The following SMIM36 variants were observed in gnomAD, a reference collection of about 807,000 sequenced individuals.
SMIM36 encodes the protein small integral membrane protein 36.
At chr17:55,520,311 C>A in the SMIM36 span, among the ~76,000 whole-genome samples, 1 of 152,130 alleles carries the variant, frequency 6.6e-6, no homozygotes, top group Non-Finnish European at 1.5e-5. Flanking sequence ...TCTCTTTTAT[C>A]CTTCACAATT....
At chr17:55,485,876 G>T (rs927696353) in intron 1 of SMIM36, among the ~76,000 whole-genome samples, 3 of 152,042 alleles carry the variant, frequency 2.0e-5, no homozygotes, top group Non-Finnish European at 4.4e-5. Flanking sequence ...GTTTGAACTA[G>T]GCAGTATATC....
At chr17:55,482,100 T>C (rs1359206218) in intron 1 of SMIM36, among the ~76,000 whole-genome samples, 1 of 152,176 alleles carries the variant, frequency 6.6e-6, no homozygotes, top group Non-Finnish European at 1.5e-5. Flanking sequence ...TACCCATCAA[T>C]TGAAGTTGGT....
At chr17:55,492,360 A>T (rs1909728432) in intron 1 of SMIM36, among the ~76,000 whole-genome samples, 1 of 147,824 alleles carries the variant, frequency 6.8e-6, no homozygotes, top group African/African-American at 2.5e-5. Flanking sequence ...CCCCTGCCTC[A>T]GCCTCCTGAG....
chr17:55,489,879 C>T (rs934753824), intron 1 of SMIM36, among the ~76,000 whole-genome samples: 1 of 150,418 alleles, frequency 6.6e-6, no homozygotes, highest in Non-Finnish European at 1.5e-5. Flanking sequence ...TACAGAATCT[C>T]GCTCTGTCGC....
chr17:55,514,182 T>G (rs905395670), upstream of SMIM36, among the ~76,000 whole-genome samples: 1 of 152,110 alleles, frequency 6.6e-6, no homozygotes, highest in African/African-American at 2.4e-5. Flanking sequence ...TTTAAGGAAC[T>G]TTCCTCTGGT....
intron 4 of SMIM36, among the ~76,000 whole-genome samples, chr17:55,458,725 G>T (rs1001838322): frequency 2.5e-4 from 38 of 152,082 alleles, no homozygotes; most frequent in African/African-American, 9.2e-4. Flanking sequence ...AGGCAGTGGA[G>T]TCTGGCCAGG....
chr17:55,521,179 G>A, the SMIM36 span, among the ~76,000 whole-genome samples: 1 of 152,110 alleles, frequency 6.6e-6, no homozygotes, highest in East Asian at 1.9e-4. Flanking sequence ...TGAAAGAAAA[G>A]CAAGGAAGGA....
chr17:55,459,186 A>G (rs927805693), intron 4 of SMIM36, among the ~76,000 whole-genome samples: 17 of 152,268 alleles, frequency 1.1e-4, no homozygotes, highest in Admixed American at 7.2e-4. Context: ...CCCCCATCAC[A>G]CGCCCTGAGA....
upstream of SMIM36, among the ~76,000 whole-genome samples, chr17:55,515,413 C>G (rs1355952999): frequency 6.6e-6 from 1 of 152,138 alleles, no homozygotes; most frequent in Non-Finnish European, 1.5e-5. Context: ...TCCATCTATA[C>G]TGGGTTGAAT....
At chr17:55,479,250 G>GC (rs1399165641) in intron 2 of SMIM36, among the ~76,000 whole-genome samples, 1 of 152,206 alleles carries the variant, frequency 6.6e-6, no homozygotes, top group African/African-American at 2.4e-5. Context: ...AGGACCACAG[G>GC]CAGGTGTCAG....
chr17:55,514,197 T>C (rs1910228583), upstream of SMIM36, among the ~76,000 whole-genome samples: 1 of 152,080 alleles, frequency 6.6e-6, no homozygotes, highest in Non-Finnish European at 1.5e-5. Context: ...TCTGGTGCCA[T>C]CTAGTGGCCA....
At chr17:55,523,999 C>T in the SMIM36 span, among the ~76,000 whole-genome samples, 1 of 151,988 alleles carries the variant, frequency 6.6e-6, no homozygotes. Context: ...CAGAGGTTTG[C>T]TGTACAGATT....
At chr17:55,502,966 G>A (rs1308546754) in intron 1 of SMIM36, among the ~76,000 whole-genome samples, 1 of 151,326 alleles carries the variant, frequency 6.6e-6, no homozygotes, top group East Asian at 1.9e-4. Context: ...CTGGAAGAAA[G>A]GGTGTCAGCA....
chr17:55,524,945 C>A, the SMIM36 span, among the ~76,000 whole-genome samples: 1 of 152,122 alleles, frequency 6.6e-6, no homozygotes, highest in African/African-American at 2.4e-5. Context: ...CTGAGCCATC[C>A]GATCCTCCCA....
At chr17:55,480,408 A>C (rs1238240616) in intron 1 of SMIM36, among the ~76,000 whole-genome samples, 1 of 152,172 alleles carries the variant, frequency 6.6e-6, no homozygotes, top group East Asian at 1.9e-4. Context: ...TAAGTGTCTA[A>C]GGATGAAAAC....
chr17:55,530,741 C>G, the SMIM36 span, among the ~76,000 whole-genome samples: 7 of 152,006 alleles, frequency 4.6e-5, no homozygotes, highest in African/African-American at 1.7e-4. Context: ...CGAGATCGTG[C>G]CACTGTACTC....
chr17:55,467,765 C>A (rs1909267742), intron 3 of SMIM36, among the ~76,000 whole-genome samples: 1 of 152,170 alleles, frequency 6.6e-6, no homozygotes, highest in Non-Finnish European at 1.5e-5. Flanking sequence ...GGCTTTCCTG[C>A]TGGGCCATGT....
intron 1 of SMIM36, among the ~76,000 whole-genome samples, chr17:55,484,126 C>G (rs1909566571): frequency 6.6e-6 from 1 of 151,724 alleles, no homozygotes; most frequent in Admixed American, 6.6e-5. Flanking sequence ...ATTTTTTAAA[C>G]AGAAAAAAAT....
the SMIM36 span, among the ~76,000 whole-genome samples, chr17:55,523,174 C>T: frequency 6.6e-6 from 1 of 152,002 alleles, no homozygotes; most frequent in African/African-American, 2.4e-5. Flanking sequence ...ATTAAGGTGT[C>T]CTTTGAAGAA....
Sources: allele counts gnomAD v4.1 joint callset (sites outside exome capture counted in the v4.1 genomes callset), GRCh38; gene constraint gnomAD v4.1.1; transcripts MANE v1.5; gene names NCBI Gene and HGNC (gene_info 2026-07-23, HGNC 2026-07-21).